The following FAM81A variants were observed in gnomAD, a reference collection of about 807,000 sequenced individuals.
FAM81A encodes protein FAM81A.
In FAM81A, 19 loss-of-function variants were observed where a neutral mutation model predicts 46.7. That is an observed-to-expected ratio of 0.41 (90% CI 0.28 to 0.60). The LOEUF is 0.60. FAM81A is among the 20% of genes least tolerant of loss of function. The pLI is 0.34. For synonymous variants in FAM81A, 183 were observed against 152.9 expected (o/e 1.20, Z -1.45); for missense variants, 377 against 453.5 (o/e 0.83, Z 1.53).
intron 2 of FAM81A, among the ~76,000 whole-genome samples, chr15:59,413,588 C>G (rs1427967629): frequency 1.3e-5 from 2 of 152,114 alleles, no homozygotes; most frequent in African/African-American, 4.8e-5. Context: ...AAACAGAGTT[C>G]TAAGCCATTA....
rs1247873709 is a variant in FAM81A at position 59,460,049 on chromosome 15, C to T, written c.137C>T (p.Ala46Val). 1.2e-6 allele frequency: 2 copies of T among 1,613,964 alleles called. No individual in the cohort carries two copies. The highest frequency in any genetic ancestry group is 1.7e-5 in the Admixed American group (1 of 60,016). ...RILCHEKTTA[A>V]LVEHAFRIKD... The stretch of plus-strand genomic sequence containing the variant: ...CTCTGCCATGAGAAAACCACCGCCG[C>T]CCTCGTAGAGCACGCCTTTCGGATT... The change falls in exon 3 of 9, where the codon GCC becomes GTC. Residue 46 changes from alanine to valine, a missense_variant. By Grantham distance (64) the Ala-to-Val change is moderately conservative. Transcript: ENST00000288228. This position sits in a 1 kb window ranked among gnomAD's most constrained non-coding sequence, Gnocchi z 4.4.
intron 3 of FAM81A, among the ~76,000 whole-genome samples, chr15:59,487,623 G>A (rs1334501349): frequency 6.6e-6 from 1 of 151,964 alleles, no homozygotes; most frequent in Admixed American, 6.6e-5. Context: ...GCTACTAGGA[G>A]CAACTATATG....
At chr15:59,409,221 G>C (rs1394037496) in intron 2 of FAM81A, among the ~76,000 whole-genome samples, 1 of 152,032 alleles carries the variant, frequency 6.6e-6, no homozygotes, top group Non-Finnish European at 1.5e-5. Context: ...CTCCAGGTCT[G>C]GGTCCAGTGC....
chr15:59,423,255 C>T (rs1434688474), intron 2 of FAM81A, among the ~76,000 whole-genome samples: 3 of 152,122 alleles, frequency 2.0e-5, no homozygotes, highest in Admixed American at 6.6e-5. Flanking sequence ...CCCGCCAACA[C>T]GCCTGGCTAA....
chr15:59,419,774 T>C (rs747693151), intron 2 of FAM81A, among the ~76,000 whole-genome samples: 1 of 152,048 alleles, frequency 6.6e-6, no homozygotes, highest in Non-Finnish European at 1.5e-5. Flanking sequence ...CTTGGGAGGC[T>C]GAGGCAGGAG....
At chr15:59,466,650 G>A (rs1449254924) in intron 3 of FAM81A, among the ~76,000 whole-genome samples, 1 of 152,146 alleles carries the variant, frequency 6.6e-6, no homozygotes, top group African/African-American at 2.4e-5. Flanking sequence ...CTCCCATTCT[G>A]TAGGTTGCCT....
chr15:59,484,011 C>T (rs1053828329), intron 3 of FAM81A, among the ~76,000 whole-genome samples: 1 of 152,186 alleles, frequency 6.6e-6, no homozygotes, highest in Non-Finnish European at 1.5e-5. Flanking sequence ...AGGCCCTGTG[C>T]TTCCCACTGG....
chr15:59,453,503 G>T (rs1222878422), intron 1 of FAM81A, among the ~76,000 whole-genome samples: 1 of 152,120 alleles, frequency 6.6e-6, no homozygotes, highest in African/African-American at 2.4e-5. Flanking sequence ...AACTAAGGTG[G>T]GCCCGCTGAG....
intron 3 of FAM81A, among the ~76,000 whole-genome samples, chr15:59,476,711 A>C (rs2081774453): frequency 6.6e-6 from 1 of 151,610 alleles, no homozygotes; most frequent in Admixed American, 6.7e-5. Flanking sequence ...AATTGTTTGA[A>C]CCTGGGAGGT....
intron 2 of FAM81A, among the ~76,000 whole-genome samples, chr15:59,426,668 A>G (rs1343020971): frequency 6.6e-6 from 1 of 152,082 alleles, no homozygotes; most frequent in Admixed American, 6.5e-5. Flanking sequence ...ATAAAATCAA[A>G]CTTGCTTATA....
intron 2 of FAM81A, among the ~76,000 whole-genome samples, chr15:59,432,836 G>A (rs1046775024): frequency 1.1e-4 from 16 of 151,976 alleles, no homozygotes; most frequent in African/African-American, 3.9e-4. Flanking sequence ...GTATTTTAAT[G>A]CAATATTTAA....
chr15:59,402,082 G>T (rs2081073659), intron 1 of FAM81A: 3 of 495,178 alleles, frequency 6.1e-6, no homozygotes, highest in Non-Finnish European at 1.1e-5. Context: ...AGAGACCCAT[G>T]AGCTGACGCC....
chr15:59,505,468 C>T (rs558448784), intron 4 of FAM81A, among the ~76,000 whole-genome samples: 2 of 151,342 alleles, frequency 1.3e-5, no homozygotes, highest in Admixed American at 6.6e-5. Flanking sequence ...GCCGAGATCA[C>T]GCCACTGCAC....
chr15:59,462,347 A>G (rs968958113), intron 3 of FAM81A, among the ~76,000 whole-genome samples: 5 of 152,112 alleles, frequency 3.3e-5, no homozygotes, highest in African/African-American at 1.2e-4. Flanking sequence ...AGTCATTCTA[A>G]TGGATGTGTA....
intron 3 of FAM81A, among the ~76,000 whole-genome samples, chr15:59,473,904 T>A (rs2081731502): frequency 6.6e-6 from 1 of 152,190 alleles, no homozygotes; most frequent in Admixed American, 6.5e-5. Flanking sequence ...CTTGAACTCC[T>A]GGGCCCAAGC....
intron 3 of FAM81A, among the ~76,000 whole-genome samples, chr15:59,490,881 TA>T (rs1327750824): frequency 2.6e-5 from 4 of 152,088 alleles, no homozygotes; most frequent in African/African-American, 9.7e-5. Context: ...TCACCCCAGT[TA>T]AAATGGCTTT....
At chr15:59,421,420 C>G (rs1218384650) in intron 2 of FAM81A, among the ~76,000 whole-genome samples, 1 of 152,132 alleles carries the variant, frequency 6.6e-6, no homozygotes, top group Non-Finnish European at 1.5e-5. Flanking sequence ...AAATGGGCAG[C>G]TTAGCGTATA....
chr15:59,521,069 G>A (rs1194838239), intron 8 of FAM81A, among the ~76,000 whole-genome samples, 185 bp from the exon 9 acceptor site: 1 of 151,938 alleles, frequency 6.6e-6, no homozygotes, highest in East Asian at 1.9e-4. Flanking sequence ...TTTCCTTTTT[G>A]TAATTAAAAA....
intron 1 of FAM81A, chr15:59,440,063 C>T (rs2081281167): frequency 6.6e-6 from 1 of 152,248 alleles, no homozygotes; most frequent in Non-Finnish European, 1.5e-5. Context: ...TGCTCTTCCG[C>T]TTCTCCTTAG....
Sources: gnomAD v4.1 joint callset for allele counts (sites outside exome capture counted in the v4.1 genomes callset) on GRCh38, gnomAD v4.1.1 for gene constraint, Gnocchi (gnomAD v3.1) non-coding constraint, MANE v1.5 for transcripts, NCBI Gene and HGNC (gene_info 2026-07-23, HGNC 2026-07-21) for gene names.